KIN: variants seen among roughly 807,000 people sequenced by gnomAD.
KIN encodes the protein DNA/RNA-binding protein KIN17.
KIN carries 47 observed loss-of-function variants against 63.0 expected under a neutral mutation model. The observed-to-expected ratio is 0.75, with a 90% CI of 0.59 to 0.95. The LOEUF is 0.95. Among genes scored for constraint, KIN ranks in the 40% least tolerant of loss-of-function variants. The pLI is 0.00. For missense variants in KIN, 408 were observed against 460.9 expected (o/e 0.89, Z 1.05); for synonymous variants, 160 against 157.7 (o/e 1.01, Z -0.11).
chr10:7,762,553 C>T lies in KIN; in HGVS notation c.922G>A (p.Val308Ile). The T allele has an allele frequency of 6.3e-7, 1 of 1,587,288 alleles. No individual in the cohort carries two copies. Among genetic ancestry groups the T allele is most frequent in the Non-Finnish European group, 8.6e-7 (1 of 1,158,622 alleles). The change falls in exon 11 of 13, where the codon GTA becomes ATA. Residue 308 changes from valine (V) to isoleucine (I), a missense_variant. Physicochemically the swap from Val to Ile is conservative, Grantham distance 29 (BLOSUM62 3). Transcript: ENST00000379562. ...ACAACAGCTGTATATTTGTCAATTA[C>T]TTCCTGTCATGTAAAATGAACACTT... ...YHKKKAIVKEVIDKYTAVVKM... is the reference protein window; with the variant it reads ...YHKKKAIVKEIIDKYTAVVKM...
At chr10:7,778,815 T>C in intron 5 of KIN, 23 bp downstream of exon 5, 1 of 1,609,314 alleles carries the variant, frequency 6.2e-7, no homozygotes, top group Non-Finnish European at 8.5e-7. Context: ...ACGTTGCTTC[T>C]CAGGATGATG....
At chr10:7,756,328 A>G (rs1232384133) in intron 12 of KIN, among the ~76,000 whole-genome samples, 186 bp from the exon 13 acceptor site, 5 of 152,230 alleles carry the variant, frequency 3.3e-5, no homozygotes, top group Admixed American at 6.5e-5. Flanking sequence ...AAGAACTACC[A>G]TATTTTCTTC....
Position 7,775,735 on chromosome 10 carries a change from T to G in KIN, c.607+16A>C, listed in dbSNP as rs371906371. 106 of 1,435,466 alleles carry G rather than the reference T, an allele frequency of 7.4e-5. No individual in the cohort carries two copies. Among genetic ancestry groups the G allele is most frequent in the African/African-American group, 7.2e-4 (50 of 69,336 alleles). The allele number at this position is 1,435,466 out of a possible 1,614,324, so 88.9% of individuals were successfully genotyped here. A position where few individuals can be genotyped will look rare whatever the true frequency, so the allele number is the denominator to read the frequency against. ...CATCTATGTTTAAAAAAAGAAAAAA[T>G]AAAAAATAAAACTACCTTTCTCTTC... On this transcript the variant is annotated intron_variant, in intron 6 of 12. Transcript: ENST00000379562.
At position 7,774,895 on chromosome 10, in the gene KIN, G is replaced by C; in HGVS notation, c.608-4C>G. 1 of 1,606,906 alleles carries C rather than the reference G, an allele frequency of 6.2e-7. No homozygotes were observed. The highest frequency in any genetic ancestry group is 8.5e-7 in the Non-Finnish European group (1 of 1,174,474). On this transcript the variant is annotated splice_region_variant and splice_polypyrimidine_tract_variant and intron_variant, in intron 6 of 12. Transcript: ENST00000379562. Reference sequence around the variant, plus strand: ...CCTTTACTCAAATTAAACGTGACTAGAAGAAAAAAATGTTATTCCATACAT... The same window carrying C: ...CCTTTACTCAAATTAAACGTGACTACAAGAAAAAAATGTTATTCCATACAT...
intron 1 of KIN, among the ~76,000 whole-genome samples, chr10:7,784,558 A>G (rs1835961271): frequency 6.6e-6 from 1 of 152,190 alleles, no homozygotes; most frequent in African/African-American, 2.4e-5. Context: ...ACTGTACTCC[A>G]GTCTGGGCAA....
Position 7,785,559 on chromosome 10 carries a change from G to A in KIN, c.114+2261C>T, listed in dbSNP as rs193229031. On this transcript the variant is annotated intron_variant, in intron 1 of 12. Coordinates refer to ENST00000379562, the MANE Select transcript of KIN (RefSeq NM_012311.4). ...TGTAATCCCAGCACCTTGGGAGGCC[G>A]AGGCAGGTGAATTACCTGAGGTCGG... Among the ~76,000 whole-genome samples, 4 of 152,260 alleles carry A rather than the reference G, an allele frequency of 2.6e-5. No homozygotes were observed. In the East Asian group the frequency reaches 7.7e-4, roughly 29 times the overall value.
At chr10:7,776,967 T>C (rs1399889954) in intron 5 of KIN, among the ~76,000 whole-genome samples, 1 of 146,414 alleles carries the variant, frequency 6.8e-6, no homozygotes, top group Non-Finnish European at 1.5e-5. Flanking sequence ...AGGCAAGAGG[T>C]TCACTTGAGC....
intron 5 of KIN, among the ~76,000 whole-genome samples, chr10:7,778,388 C>T (rs1042052197): frequency 4.6e-5 from 7 of 152,088 alleles, no homozygotes; most frequent in Non-Finnish European, 7.4e-5. Flanking sequence ...CTTTTGACAC[C>T]AGGCTGGTTC....
intron 12 of KIN, among the ~76,000 whole-genome samples, chr10:7,758,240 T>G (rs914156683): frequency 6.6e-6 from 1 of 152,126 alleles, no homozygotes; most frequent in Admixed American, 6.5e-5. Flanking sequence ...CAGCTAATTT[T>G]TGTATTTTTA....
At chr10:7,779,974 TTC>T in intron 4 of KIN, 80 bp downstream of exon 4, 3 of 1,473,976 alleles carry the variant, frequency 2.0e-6, no homozygotes, top group Non-Finnish European at 2.8e-6. Flanking sequence ...CCAATTTTTT[TTC>T]TCTTTTCTTA....
rs7067698 is a variant in KIN at position 7,753,962 on chromosome 10, C to T, written c.*2118G>A. 20,314 of 442,880 alleles carry T rather than the reference C, an allele frequency of 0.046. 649 individuals are homozygous for T. The highest frequency in any genetic ancestry group is 0.089 in the Middle Eastern group (269 of 3,016). 27.4% of individuals were successfully genotyped at this position (442,880 alleles called of 1,614,324 possible). A position where few individuals can be genotyped will look rare whatever the true frequency, so the allele number is the denominator to read the frequency against. On this transcript the variant is annotated 3_prime_UTR_variant, in exon 13 of 13. Coordinates refer to ENST00000379562, the MANE Select transcript of KIN (RefSeq NM_012311.4). ...GGTTTGGCACCATACCTGTGTCTGACGTCAGCTTATACCCATCCTCATGTT... is the reference window on the plus strand; with the variant it reads ...GGTTTGGCACCATACCTGTGTCTGATGTCAGCTTATACCCATCCTCATGTT...
chr10:7,759,951 T>C lies in KIN; in HGVS notation c.1058A>G (p.Asn353Ser), dbSNP rs1835407618. ...ATTGATGGATTCTAGGGTACCTTCATTTCCTCTGTAGCCTCCATTTAAAAC... is the reference window on the plus strand; with the variant it reads ...ATTGATGGATTCTAGGGTACCTTCACTTCCTCTGTAGCCTCCATTTAAAAC... ...ILVLNGGYRG[N>S]EGTLESINEK... is the part of the protein sequence containing the mutation. The change falls in exon 12 of 13, where the codon AAT (asparagine) becomes AGT (serine). Residue 353 changes from asparagine (N) to serine (S), a missense_variant. Physicochemically the swap from Asn to Ser is conservative, Grantham distance 46 (BLOSUM62 1). This residue lies in a region of KIN where 298 missense variants were observed against 296.0 expected (regional missense o/e 1.01). Coordinates refer to ENST00000379562, the MANE Select transcript of KIN (RefSeq NM_012311.4). 1.3e-6 allele frequency: 2 copies of C among 1,561,190 alleles called. No homozygotes were observed. Among genetic ancestry groups the C allele is most frequent in the East Asian group, 2.3e-5 (1 of 42,842 alleles).
intron 2 of KIN, among the ~76,000 whole-genome samples, chr10:7,782,362 G>A (rs1365379980): frequency 6.6e-6 from 1 of 151,460 alleles, no homozygotes; most frequent in Non-Finnish European, 1.5e-5. Context: ...CTCTATGAAG[G>A]ATCAGCAATA....
chr10:7,765,928 T>C (rs1472254817), intron 9 of KIN, 125 bp downstream of exon 9: 2 of 579,288 alleles, frequency 3.5e-6, no homozygotes, highest in Admixed American at 6.9e-5. Flanking sequence ...CATTATAAGT[T>C]ATAACTAACT....
chr10:7,769,682 G>A (rs551497729), intron 7 of KIN, among the ~76,000 whole-genome samples: 26 of 151,394 alleles, frequency 1.7e-4, no homozygotes, highest in Non-Finnish European at 3.1e-4. Flanking sequence ...TTGGTGTTGA[G>A]CAGATCAGGG....
At chr10:7,757,972 C>T (rs1405717312) in intron 12 of KIN, among the ~76,000 whole-genome samples, 5 of 147,924 alleles carry the variant, frequency 3.4e-5, no homozygotes, top group Admixed American at 6.9e-5. Context: ...AAAATAACCA[C>T]TTGCAAAGCT....
At chr10:7,783,498 T>C (rs1382443066) in intron 1 of KIN, among the ~76,000 whole-genome samples, 1 of 152,230 alleles carries the variant, frequency 6.6e-6, no homozygotes, top group Non-Finnish European at 1.5e-5. Flanking sequence ...TCAATTCTCA[T>C]TGAGCACATA....
Position 7,751,939 on chromosome 10 carries a change from G to GTGGGCGGATCACAAGGT in KIN, c.*4140_*4141insACCTTGTGATCCGCCCA. 4.1e-4 allele frequency: 1 copy of GTGGGCGGATCACAAGGT among 2,420 alleles called. No homozygotes were observed. Among genetic ancestry groups the GTGGGCGGATCACAAGGT allele is most frequent in the African/African-American group, 1.8e-3 (1 of 550 alleles). The allele number at this position is 2,420 out of a possible 1,614,324, so 0.1% of individuals were successfully genotyped here. A position where few individuals can be genotyped will look rare whatever the true frequency, so the allele number is the denominator to read the frequency against. The stretch of plus-strand genomic sequence containing the variant: ...AGTCCCAGCTACTCGGGAGGCTGAG[G>GTGGGCGGATCACAAGGT]CAGGAGAATGGCGTGAACCCGGGAA... On this transcript the variant is annotated 3_prime_UTR_variant, in exon 13 of 13. Coordinates refer to ENST00000379562, the MANE Select transcript of KIN (RefSeq NM_012311.4).
In KIN at chr10:7,752,631, T is replaced by C. The variant is rs1333962339; in HGVS notation, c.*3449A>G. 5 of 152,214 alleles carry C rather than the reference T, an allele frequency of 3.3e-5. No homozygotes were observed. The highest frequency in any genetic ancestry group is 4.8e-5 in the African/African-American group (2 of 41,440). The allele number at this position is 152,214 out of a possible 1,614,324, so 9.4% of individuals were successfully genotyped here. ...CTGCGCACAGATGTTTGTAGCAGCT[T>C]TACTCATAATTTCCAAACCTTGTAA... On this transcript the variant is annotated 3_prime_UTR_variant, in exon 13 of 13. Transcript: ENST00000379562.
Sources: gnomAD v4.1 joint callset for allele counts (sites outside exome capture counted in the v4.1 genomes callset) on GRCh38, gnomAD v4.1.1 for gene constraint, gnomAD v4.1.1 regional missense constraint, MANE v1.5 for transcripts, NCBI Gene and HGNC (gene_info 2026-07-23, HGNC 2026-07-21) for gene names.